The following UNC13B variants were observed in gnomAD, a reference collection of about 807,000 sequenced individuals.
UNC13B encodes protein unc-13 homolog B.
In UNC13B, 144 loss-of-function variants were observed where a neutral mutation model predicts 211.0. The ratio of observed to expected loss-of-function variants is 0.68; its 90% CI spans 0.60 to 0.78. The LOEUF (loss-of-function observed/expected upper bound fraction) is 0.78, where lower values mean the gene tolerates loss of function less well. Among genes scored for constraint, UNC13B ranks in the 30% least tolerant of loss-of-function variants. The pLI is 0.00. For synonymous variants in UNC13B, 709 were observed against 725.8 expected (o/e 0.98, Z 0.37); for missense variants, 1,777 against 2,002.0 (o/e 0.89, Z 2.14).
In UNC13B at chr9:35,301,540, T is replaced by C. The variant is rs1829684113; in HGVS notation, c.2136T>C (p.Ser712=). Residue 712 remains serine (S), a synonymous_variant, in exon 9 of 40, where the codon AGT becomes AGC. Coordinates refer to ENST00000635942, the MANE Select transcript of UNC13B (RefSeq NM_001371189.2). ...GTAGCATCATTGCTTTAAATGGGAG[T>C]GATGAAGAAACTACGGGCTGGTTCC... is the stretch of plus-strand genomic sequence containing the variant. ...YSSSIIALNG[S]DEETTGWFQM... The C allele has an allele frequency of 7.5e-6, 3 of 398,432 alleles. No individual in the cohort carries two copies. The highest frequency in any genetic ancestry group is 4.4e-5 in the Admixed American group (1 of 22,664). The allele number at this position is 398,432 out of a possible 1,614,324, so 24.7% of individuals were successfully genotyped here.
chr9:35,175,425 G>A (rs1457446608), intron 1 of UNC13B, among the ~76,000 whole-genome samples: 3 of 152,328 alleles, frequency 2.0e-5, no homozygotes, highest in African/African-American at 7.2e-5. Flanking sequence ...GGCAGAAGAG[G>A]AGTTGATAGA....
At chr9:35,275,224 C>T (rs188207463) in intron 7 of UNC13B, among the ~76,000 whole-genome samples, 2 of 152,248 alleles carry the variant, frequency 1.3e-5, no homozygotes, top group African/African-American at 4.8e-5. Flanking sequence ...GTCAGCTTGA[C>T]TCAAATGTCT....
chr9:35,212,389 A>G (rs759548820), intron 1 of UNC13B, among the ~76,000 whole-genome samples: 2 of 152,176 alleles, frequency 1.3e-5, no homozygotes, highest in African/African-American at 4.8e-5. Context: ...CCTGGCCAAC[A>G]TGGCGAAAAC....
rs531127291 is a variant in UNC13B at position 35,295,481 on chromosome 9, C to T, written c.527-215C>T. 2.6e-5 allele frequency among the ~76,000 whole-genome samples: 4 copies of T among 152,220 alleles called. No individual in the cohort carries two copies. In the South Asian group the frequency reaches 8.3e-4, roughly 32 times the overall value. On this transcript the variant is annotated intron_variant, in intron 7 of 39. Transcript: ENST00000635942. Reference sequence around the variant, plus strand: ...TCTAAGAATAAGCACTAAAATTAAACTAAGTATATATCTCATATGATAAGG... The same window carrying T: ...TCTAAGAATAAGCACTAAAATTAAATTAAGTATATATCTCATATGATAAGG...
chr9:35,328,704 TCCCTTTCTTC>T (rs1831192474), intron 11 of UNC13B, among the ~76,000 whole-genome samples: 9 of 145,234 alleles, frequency 6.2e-5, no homozygotes, highest in Admixed American at 2.1e-4. Flanking sequence ...CTCCCTTCCT[TCCCTTTCTTC>T]CCTTCCTTCT....
intron 1 of UNC13B, among the ~76,000 whole-genome samples, chr9:35,170,664 G>A (rs904782111): frequency 1.3e-5 from 2 of 151,804 alleles, no homozygotes; most frequent in African/African-American, 2.4e-5. Flanking sequence ...TAGAGATGGG[G>A]TCTTGCTATG....
Position 35,162,292 on chromosome 9 carries a change from G to A in UNC13B, c.9G>A (p.Leu3=). 6.5e-7 allele frequency: 1 copy of A among 1,542,720 alleles called. No homozygotes were observed. The highest frequency in any genetic ancestry group is 8.7e-7 in the Non-Finnish European group (1 of 1,148,958). The change falls in exon 1 of 40, where the codon CTG becomes CTA. Residue 3 remains leucine, a synonymous_variant. Coordinates refer to ENST00000635942, the MANE Select transcript of UNC13B (RefSeq NM_001371189.2). ...TTGCCCGATCCTCGGCCATGTCACTGCTCTGCGTGCGCGGTGAGTGCGCGG... is the reference window on the plus strand; with the variant it reads ...TTGCCCGATCCTCGGCCATGTCACTACTCTGCGTGCGCGGTGAGTGCGCGG... The part of the protein sequence containing the change: MS[L]LCVRVKRAKF...
chr9:35,231,096 T>A lies in UNC13B; in HGVS notation c.53-24T>A, dbSNP rs375751524. 6 of 1,480,788 alleles carry A rather than the reference T, an allele frequency of 4.1e-6. No homozygotes were observed. In the African/African-American group the frequency reaches 8.3e-5, roughly 20 times the overall value. The allele number at this position is 1,480,788 out of a possible 1,614,324, so 91.7% of individuals were successfully genotyped here. A position where few individuals can be genotyped will look rare whatever the true frequency, so the allele number is the denominator to read the frequency against. On this transcript the variant is annotated intron_variant, in intron 2 of 39. Coordinates refer to ENST00000635942, the MANE Select transcript of UNC13B (RefSeq NM_001371189.2). ...AACAATCTGAGCACTAAGTATTATG[T>A]CTCCATTTTGTATTTTTTCAAAGAT...
chr9:35,366,919 C>G (rs1833808359), intron 11 of UNC13B, 28 bp from the exon 12 acceptor site: 2 of 1,605,480 alleles, frequency 1.2e-6, no homozygotes, highest in Non-Finnish European at 1.7e-6. Flanking sequence ...TTCCCAGGAT[C>G]TAACTTGTTT....
At position 35,397,257 on chromosome 9, in the gene UNC13B, C is replaced by A; in HGVS notation, c.11623C>A (p.Leu3875Met). Residue 3875 changes from leucine (L) to methionine (M), a missense_variant, in exon 29 of 40, where the codon CTG (leucine) becomes ATG (methionine). Transcript: ENST00000635942. The part of the protein sequence containing the change: ...LNQSFEIIRK[L>M]ECPDPSILAH... ...TCAGAGCTTTGAGATCATCCGGAAG[C>A]TGGAATGCCCAGACCCCAGCATCCT... 6.2e-7 allele frequency: 1 copy of A among 1,614,190 alleles called. No individual in the cohort carries two copies. Among genetic ancestry groups the A allele is most frequent in the Non-Finnish European group, 8.5e-7 (1 of 1,180,032 alleles).
chr9:35,173,346 A>G (rs973279365), intron 1 of UNC13B, among the ~76,000 whole-genome samples: 5 of 152,104 alleles, frequency 3.3e-5, no homozygotes, highest in African/African-American at 4.8e-5. Flanking sequence ...TCAGCCCTCC[A>G]TTCCCACAAT....
intron 1 of UNC13B, among the ~76,000 whole-genome samples, chr9:35,224,277 G>C (rs577128758): frequency 6.6e-6 from 1 of 152,220 alleles, no homozygotes; most frequent in African/African-American, 2.4e-5. Flanking sequence ...GAGCCTATTT[G>C]CATAGTACGT....
At chr9:35,378,223 G>A in intron 16 of UNC13B, 72 bp from the exon 17 acceptor site, 2 of 1,588,468 alleles carry the variant, frequency 1.3e-6, no homozygotes, top group Non-Finnish European at 1.7e-6. Flanking sequence ...CTCTAAGATG[G>A]AAAGCATATG....
chr9:35,343,736 A>T (rs899195159), intron 11 of UNC13B, among the ~76,000 whole-genome samples: 7 of 152,020 alleles, frequency 4.6e-5, no homozygotes, highest in African/African-American at 1.7e-4. Context: ...AGTATTTCCC[A>T]CCCCAGAATT....
At position 35,231,107 on chromosome 9, in the gene UNC13B, T is replaced by C; in HGVS notation, c.53-13T>C. On this transcript the variant is annotated splice_polypyrimidine_tract_variant and intron_variant, in intron 2 of 39. Transcript: ENST00000635942. The stretch of plus-strand genomic sequence containing the variant: ...CACTAAGTATTATGTCTCCATTTTG[T>C]ATTTTTTCAAAGATAAATTTAACAC... The C allele has an allele frequency of 6.4e-7, 1 of 1,567,956 alleles. No homozygotes were observed. The highest frequency in any genetic ancestry group is 8.8e-7 in the Non-Finnish European group (1 of 1,138,686).
chr9:35,362,979 A>G (rs1361859473), intron 11 of UNC13B, among the ~76,000 whole-genome samples: 1 of 152,134 alleles, frequency 6.6e-6, no homozygotes, highest in Non-Finnish European at 1.5e-5. Context: ...TCCCAGAACT[A>G]TGCCTTGGAG....
chr9:35,379,378 G>C (rs1834663912), intron 17 of UNC13B, among the ~76,000 whole-genome samples: 1 of 152,082 alleles, frequency 6.6e-6, no homozygotes, highest in African/African-American at 2.4e-5. Flanking sequence ...GAACCTGGGA[G>C]GCAGACGTTG....
At chr9:35,368,114 T>C (rs1231589285) in intron 12 of UNC13B, among the ~76,000 whole-genome samples, 2 of 152,244 alleles carry the variant, frequency 1.3e-5, no homozygotes, top group Non-Finnish European at 2.9e-5. Flanking sequence ...AGGTTTGTTA[T>C]ATAGTTAAAC....
chr9:35,197,817 G>A lies in UNC13B; in HGVS notation c.23-30198G>A, dbSNP rs189174248. 3.6e-3 allele frequency among the ~76,000 whole-genome samples: 553 copies of A among 152,170 alleles called. 1 individual carries two copies. Among genetic ancestry groups the A allele is most frequent in the Non-Finnish European group, 5.1e-3 (348 of 68,000 alleles). ...TGTGCCTGCTTCCCCTTTGCCTTCC[G>A]CCATGATCCTAAGTTTCCTGAGGCA... On this transcript the variant is annotated intron_variant, in intron 1 of 39. Transcript: ENST00000635942.
Sources: allele counts gnomAD v4.1 joint callset (sites outside exome capture counted in the v4.1 genomes callset), GRCh38; gene constraint gnomAD v4.1.1; transcripts MANE v1.5; gene names NCBI Gene and HGNC (gene_info 2026-07-23, HGNC 2026-07-21).